Variants in DAB1 observed in about 807,000 individuals in gnomAD.
DAB1 encodes disabled homolog 1.
In DAB1, 15 loss-of-function variants were observed where a neutral mutation model predicts 64.6. The observed-to-expected ratio is 0.23, with a 90% CI of 0.16 to 0.36. The LOEUF (loss-of-function observed/expected upper bound fraction) is 0.36. DAB1 is among the 10% of genes least tolerant of loss of function. DAB1 has a pLI of 1.00. For synonymous variants in DAB1, 235 were observed against 251.9 expected, an observed-to-expected ratio of 0.93 and a Z score of 0.64; for missense variants, 596 against 706.7, an observed-to-expected ratio of 0.84 and a Z score of 1.78.
At chr1:57,945,331 C>T (rs1291927823) in intron 5 of DAB1, among the ~76,000 whole-genome samples, 1 of 152,080 alleles carries the variant, frequency 6.6e-6, no homozygotes, top group Non-Finnish European at 1.5e-5. Context: ...TTGTTCATAG[C>T]TCACTGCAGC....
intron 5 of DAB1, among the ~76,000 whole-genome samples, chr1:58,073,565 A>G (rs548287918): frequency 1.3e-5 from 2 of 152,336 alleles, no homozygotes; most frequent in East Asian, 3.9e-4. Flanking sequence ...TAAGTCCTTC[A>G]TAAATATTTG....
chr1:57,418,234 A>T (rs1396917465), intron 1 of DAB1, among the ~76,000 whole-genome samples: 3 of 152,206 alleles, frequency 2.0e-5, no homozygotes, highest in Non-Finnish European at 4.4e-5. Context: ...AATTTCCCAG[A>T]TTCTCTCAAT....
At chr1:57,535,486 T>C (rs866862507) in intron 7 of DAB1, among the ~76,000 whole-genome samples, 40 of 151,228 alleles carry the variant, frequency 2.6e-4, no homozygotes, top group African/African-American at 9.2e-4. Flanking sequence ...TTTTTTTTTT[T>C]TGGAGACTGT....
chr1:57,245,851 T>C (rs1668831136), intron 2 of DAB1, among the ~76,000 whole-genome samples: 1 of 152,232 alleles, frequency 6.6e-6, no homozygotes, highest in Non-Finnish European at 1.5e-5. Flanking sequence ...CCTTGAGGAA[T>C]CACAACACTG....
At chr1:57,435,023 C>T (rs1685638260) in intron 7 of DAB1, among the ~76,000 whole-genome samples, 1 of 148,030 alleles carries the variant, frequency 6.8e-6, no homozygotes, top group African/African-American at 2.5e-5. Context: ...TTAAGCTTGA[C>T]TCTCTTTTTC....
At chr1:58,462,275 C>T (rs1008938487) in intron 3 of DAB1, among the ~76,000 whole-genome samples, 2 of 151,966 alleles carry the variant, frequency 1.3e-5, no homozygotes, top group South Asian at 2.1e-4. Context: ...TACAGGCGCC[C>T]GCCACCGCGC....
At chr1:57,477,720 G>A (rs1024634176) in intron 7 of DAB1, among the ~76,000 whole-genome samples, 1 of 152,144 alleles carries the variant, frequency 6.6e-6, no homozygotes, top group Non-Finnish European at 1.5e-5. Flanking sequence ...GGTTTTAAGG[G>A]TTGGGGCGAT....
At chr1:57,523,395 C>T (rs1368455748) in intron 7 of DAB1, among the ~76,000 whole-genome samples, 1 of 152,192 alleles carries the variant, frequency 6.6e-6, no homozygotes, top group African/African-American at 2.4e-5. Context: ...GCTCCCATCC[C>T]AACCCCACTT....
chr1:57,066,114 AT>A (rs1356438316), intron 8 of DAB1, among the ~76,000 whole-genome samples: 1 of 152,198 alleles, frequency 6.6e-6, no homozygotes, highest in Admixed American at 6.5e-5. Flanking sequence ...GAGACTCATC[AT>A]TTAAAAATAA....
intron 2 of DAB1, among the ~76,000 whole-genome samples, chr1:57,219,492 A>C (rs558345082): frequency 1.3e-5 from 2 of 152,180 alleles, no homozygotes; most frequent in African/African-American, 2.4e-5. Context: ...CCCTAAGGTG[A>C]TCCCACTGAG....
chr1:57,856,200 T>C (rs528633341), intron 1 of DAB1, among the ~76,000 whole-genome samples: 1 of 152,136 alleles, frequency 6.6e-6, no homozygotes, highest in East Asian at 1.9e-4. Flanking sequence ...GGGGGGTTGC[T>C]TCACAAGAGT....
intron 3 of DAB1, among the ~76,000 whole-genome samples, chr1:58,458,996 A>T (rs2100307843): frequency 6.6e-6 from 1 of 152,324 alleles, no homozygotes; most frequent in East Asian, 1.9e-4. Context: ...TGTGTGCATG[A>T]TGCCTGGAAT....
At chr1:57,182,010 C>T (rs530256460) in intron 2 of DAB1, among the ~76,000 whole-genome samples, 6 of 152,122 alleles carry the variant, frequency 3.9e-5, no homozygotes, top group East Asian at 1.9e-4. Context: ...CTCAGCCTCC[C>T]GAGTAGCTGG....
intron 6 of DAB1, among the ~76,000 whole-genome samples, chr1:57,789,877 T>C (rs2101856397): frequency 6.6e-6 from 1 of 152,272 alleles, no homozygotes; most frequent in East Asian, 1.9e-4. Flanking sequence ...AGGAAAGGAT[T>C]CTCAACAAGA....
chr1:58,501,229 T>C (rs990724969), intron 3 of DAB1, among the ~76,000 whole-genome samples: 1 of 152,214 alleles, frequency 6.6e-6, no homozygotes, highest in Non-Finnish European at 1.5e-5. Flanking sequence ...TATCTTGAAA[T>C]TCACATTTAA....
At position 57,760,387 on chromosome 1, in the gene DAB1, A is replaced by G. The variant is rs113667743; in HGVS notation, n.552-110722T>C. Among the ~76,000 whole-genome samples the G allele has an allele frequency of 7.3e-3, 1,104 of 152,172 alleles. 16 individuals are homozygous for G. The highest frequency in any genetic ancestry group is 0.025 in the African/African-American group (1,046 of 41,508). ...TTAAAAGCTGTCAAATAAAATATAAAGCATTTTTTTTACTACTATCATTTT... is the reference window on the plus strand; with the variant it reads ...TTAAAAGCTGTCAAATAAAATATAAGGCATTTTTTTTACTACTATCATTTT... On this transcript the variant is annotated intron_variant and non_coding_transcript_variant, in intron 6 of 20. Transcript: ENST00000485760.
At chr1:58,265,449 T>G (rs749855887) in intron 4 of DAB1, among the ~76,000 whole-genome samples, 19 of 152,166 alleles carry the variant, frequency 1.2e-4, no homozygotes, top group Non-Finnish European at 2.6e-4. Context: ...CTAGAAGGAG[T>G]AAGCTTGCAA....
rs1184263456 is a variant in DAB1 at position 58,377,718 on chromosome 1, C to T, written n.258-34315G>A. ...GTTCTCTGTATTTCCTGAATCTGAA[C>T]GTTGGCCTGCCTTGCTAGATTGGGG... On this transcript the variant is annotated intron_variant and non_coding_transcript_variant, in intron 3 of 20. Transcript: ENST00000485760. Among the ~76,000 whole-genome samples, 7 of 138,404 alleles carry T rather than the reference C, an allele frequency of 5.1e-5. 1 individual carries two copies. Among genetic ancestry groups the T allele is most frequent in the East Asian group, 2.0e-4 (1 of 4,970 alleles). The allele number at this position is 138,404 out of a possible 152,430, so 90.8% of individuals were successfully genotyped here. A position where few individuals can be genotyped will look rare whatever the true frequency, so the allele number is the denominator to read the frequency against.
At chr1:57,482,611 C>T (rs1370024640) in intron 7 of DAB1, among the ~76,000 whole-genome samples, 2 of 151,712 alleles carry the variant, frequency 1.3e-5, no homozygotes, top group Non-Finnish European at 2.9e-5. Context: ...GAAAAATTGC[C>T]AATAGCTTTT....
Sources: allele counts gnomAD v4.1 joint callset (sites outside exome capture counted in the v4.1 genomes callset), GRCh38; gene constraint gnomAD v4.1.1; transcripts MANE v1.5; gene names NCBI Gene and HGNC (gene_info 2026-07-23, HGNC 2026-07-21).